CBLN2: variants seen among roughly 807,000 people sequenced by gnomAD.
The protein encoded by CBLN2 is cerebellin-2.
Under a neutral mutation model 15.0 loss-of-function variants are expected in CBLN2, and 7 were observed. The ratio of observed to expected loss-of-function variants is 0.47; its 90% CI spans 0.27 to 0.88. The LOEUF (loss-of-function observed/expected upper bound fraction) is 0.88. Among genes scored for constraint, CBLN2 ranks in the 40% least tolerant of loss-of-function variants. CBLN2 has a pLI of 0.14. For synonymous variants in CBLN2, 149 were observed against 135.2 expected (o/e 1.10, Z -0.71); for missense variants, 242 against 304.5 (o/e 0.79, Z 1.53).
At chr18:72,557,798 T>A (rs2069235829) in intron 1 of CBLN2, among the ~76,000 whole-genome samples, 1 of 152,124 alleles carries the variant, frequency 6.6e-6, no homozygotes, top group South Asian at 2.1e-4. Flanking sequence ...AAATAGCTAA[T>A]GCATGCTCGA....
rs2069795877 is a variant in CBLN2 at position 72,634,066 on chromosome 18, T to G, written c.15+4259A>C. Among the ~76,000 whole-genome samples, 3 of 152,002 alleles carry G rather than the reference T, an allele frequency of 2.0e-5. No individual in the cohort carries two copies. In the South Asian group the frequency reaches 6.2e-4, roughly 31 times the overall value. Reference sequence around the variant, plus strand: ...TTATGTTAAATAAAAAAATAAAAATTCATTTTTAAAACAATAACCAATAAT... The same window carrying G: ...TTATGTTAAATAAAAAAATAAAAATGCATTTTTAAAACAATAACCAATAAT... On this transcript the variant is annotated intron_variant, in intron 1 of 2. Coordinates refer to the CBLN2 transcript ENST00000581073.
Position 72,574,152 on chromosome 18 carries a change from T to A in CBLN2, c.16-35380A>T, listed in dbSNP as rs541810930. Reference sequence around the variant, plus strand: ...GAGTTGTTCATTTTGTTTATTGTCGTGTTTTAAGAATTCTTTATATTTTTG... The same window carrying A: ...GAGTTGTTCATTTTGTTTATTGTCGAGTTTTAAGAATTCTTTATATTTTTG... On this transcript the variant is annotated intron_variant, in intron 1 of 2. Transcript: ENST00000581073. Among the ~76,000 whole-genome samples, 244 of 152,336 alleles carry A rather than the reference T, an allele frequency of 1.6e-3. 1 individual carries two copies. Among genetic ancestry groups the A allele is most frequent in the African/African-American group, 5.2e-3 (218 of 41,590 alleles).
At chr18:72,620,480 C>A (rs1013594781) in intron 1 of CBLN2, 1 of 152,264 alleles carries the variant, frequency 6.6e-6, no homozygotes, top group Non-Finnish European at 1.5e-5. Flanking sequence ...ATCAAGCCAT[C>A]AAGTCTTCCC....
intron 1 of CBLN2, among the ~76,000 whole-genome samples, chr18:72,604,227 A>G (rs1167709608): frequency 6.6e-6 from 1 of 152,194 alleles, no homozygotes; most frequent in East Asian, 1.9e-4. Context: ...TCTGCTTTAT[A>G]ACAAGAGTCA....
At chr18:72,544,816 C>A (rs962137054), upstream of CBLN2, among the ~76,000 whole-genome samples, 2 of 151,916 alleles carry the variant, frequency 1.3e-5, no homozygotes, top group African/African-American at 4.8e-5. Context: ...TTATTATCGT[C>A]GGCACAACGT....
At chr18:72,564,461 G>A (rs1457146866) in intron 1 of CBLN2, among the ~76,000 whole-genome samples, 1 of 152,074 alleles carries the variant, frequency 6.6e-6, no homozygotes, top group Non-Finnish European at 1.5e-5. Context: ...AAGAATTTCT[G>A]ATTTTGATTC....
In CBLN2 at chr18:72,537,504, G is replaced by C. The variant is rs1359053838; in HGVS notation, c.*672C>G. 6.6e-6 allele frequency: 1 copy of C among 152,572 alleles called. No homozygotes were observed. Among genetic ancestry groups the C allele is most frequent in the African/African-American group, 2.4e-5 (1 of 41,436 alleles). The allele number at this position is 152,572 out of a possible 1,614,324, so 9.5% of individuals were successfully genotyped here. On this transcript the variant is annotated 3_prime_UTR_variant, in exon 5 of 5. Coordinates refer to ENST00000269503, the MANE Select transcript of CBLN2 (RefSeq NM_182511.4). ...AGTGGGGTTGAGGAGGGAGAGCTGA[G>C]TGTGGAAAGAAAAGTAAAGCTTTTC...
intron 1 of CBLN2, among the ~76,000 whole-genome samples, chr18:72,582,008 CT>C (rs1555670639): frequency 6.6e-6 from 1 of 152,150 alleles, no homozygotes; most frequent in Non-Finnish European, 1.5e-5. Context: ...AAAGGACTGC[CT>C]TTCCTCCACT....
At chr18:72,621,041 T>C (rs1455342784) in intron 1 of CBLN2, among the ~76,000 whole-genome samples, 2 of 152,218 alleles carry the variant, frequency 1.3e-5, no homozygotes, top group Non-Finnish European at 2.9e-5. Flanking sequence ...TATAAATATC[T>C]CAGAAACTGT....
At chr18:72,559,463 T>C (rs1385665184) in intron 1 of CBLN2, among the ~76,000 whole-genome samples, 1 of 152,238 alleles carries the variant, frequency 6.6e-6, no homozygotes, top group Non-Finnish European at 1.5e-5. Context: ...TTTGACTCTG[T>C]TGGTGAGTTT....
At chr18:72,621,377 G>C (rs2069699587) in intron 1 of CBLN2, among the ~76,000 whole-genome samples, 1 of 152,026 alleles carries the variant, frequency 6.6e-6, no homozygotes, top group Admixed American at 6.6e-5. Flanking sequence ...TGATATATTT[G>C]TGTTATATTA....
chr18:72,553,443 T>G (rs763911542), intron 1 of CBLN2, among the ~76,000 whole-genome samples: 1 of 149,262 alleles, frequency 6.7e-6, no homozygotes, highest in African/African-American at 2.5e-5. Context: ...GGTTACTACA[T>G]AGACTAACAA....
At chr18:72,575,834 A>G (rs2069362998) in intron 1 of CBLN2, among the ~76,000 whole-genome samples, 1 of 152,046 alleles carries the variant, frequency 6.6e-6, no homozygotes, top group Admixed American at 6.5e-5. Context: ...AATCATCCCT[A>G]GAAGGTTAAT....
chr18:72,550,586 G>A (rs1218328857), intron 1 of CBLN2, among the ~76,000 whole-genome samples: 1 of 152,092 alleles, frequency 6.6e-6, no homozygotes, highest in Non-Finnish European at 1.5e-5. Context: ...TTTCCTAGAC[G>A]TTGAAGCCTA....
At chr18:72,557,267 T>G in intron 1 of CBLN2, among the ~76,000 whole-genome samples, 1 of 152,190 alleles carries the variant, frequency 6.6e-6, no homozygotes, top group Non-Finnish European at 1.5e-5. Flanking sequence ...CCACATTTTC[T>G]TTATCCAGTC....
chr18:72,585,749 G>A (rs1038390101), intron 1 of CBLN2, among the ~76,000 whole-genome samples: 7 of 152,124 alleles, frequency 4.6e-5, no homozygotes, highest in South Asian at 4.1e-4. Flanking sequence ...CAGGCTATTC[G>A]TACCAATGGA....
At chr18:72,596,331 C>A (rs2069513610) in intron 1 of CBLN2, among the ~76,000 whole-genome samples, 2 of 151,968 alleles carry the variant, frequency 1.3e-5, no homozygotes, top group Non-Finnish European at 2.9e-5. Context: ...ACATCATCCT[C>A]CTGCTTCTTA....
At chr18:72,625,818 C>CTA (rs56391046) in intron 1 of CBLN2, among the ~76,000 whole-genome samples, 2,580 of 57,232 alleles carry the variant, frequency 0.045, 92 homozygotes, top group Middle Eastern at 0.092. Flanking sequence ...CTCTCTCTCT[C>CTA]TATATATATA....
upstream of CBLN2, among the ~76,000 whole-genome samples, chr18:72,547,296 A>T (rs946275859): frequency 1.3e-5 from 2 of 152,150 alleles, no homozygotes; most frequent in East Asian, 3.9e-4. Context: ...GGAGGTAAAA[A>T]ATGCGCACAC....
Sources: gnomAD v4.1 joint callset for allele counts (sites outside exome capture counted in the v4.1 genomes callset) on GRCh38, gnomAD v4.1.1 for gene constraint, MANE v1.5 for transcripts, NCBI Gene and HGNC (gene_info 2026-07-23, HGNC 2026-07-21) for gene names.